Variants in KCNIP4 observed in about 807,000 individuals in gnomAD.
KCNIP4 encodes the protein potassium voltage-gated channel interacting protein 4, also known as Kv channel-interacting protein 4.
In KCNIP4, 12 loss-of-function variants were observed where a neutral mutation model predicts 34.0. The observed-to-expected ratio is 0.35, with a 90% CI of 0.23 to 0.57. The LOEUF (loss-of-function observed/expected upper bound fraction) is 0.57, where lower values mean the gene tolerates loss of function less well. Among genes scored for constraint, KCNIP4 ranks in the 20% least tolerant of loss-of-function variants. The probability of loss-of-function intolerance (pLI) is 0.83; values close to 1 mark genes in which losing one functional copy is unlikely to be tolerated. For synonymous variants in KCNIP4, 124 were observed against 102.2 expected, an observed-to-expected ratio of 1.21 and a Z score of -1.29; for missense variants, 238 against 311.7, an observed-to-expected ratio of 0.76 and a Z score of 1.78.
At chr4:21,341,733 T>C (rs1447664800) in intron 1 of KCNIP4, among the ~76,000 whole-genome samples, 1 of 152,172 alleles carries the variant, frequency 6.6e-6, no homozygotes, top group Non-Finnish European at 1.5e-5. Context: ...AATCAGTTCT[T>C]GGCCTCAAGT....
At chr4:21,006,471 G>A (rs1000738112) in intron 1 of KCNIP4, among the ~76,000 whole-genome samples, 5 of 152,156 alleles carry the variant, frequency 3.3e-5, no homozygotes, top group African/African-American at 1.2e-4. Context: ...TTGACCAACT[G>A]TAAATCAGAC....
chr4:21,107,535 G>A (rs1274482982), intron 1 of KCNIP4, among the ~76,000 whole-genome samples: 1 of 149,754 alleles, frequency 6.7e-6, no homozygotes, highest in Non-Finnish European at 1.5e-5. Flanking sequence ...CACACTGATG[G>A]GTCTTGACTC....
chr4:21,378,769 T>C (rs1721200068), intron 1 of KCNIP4, among the ~76,000 whole-genome samples: 1 of 152,174 alleles, frequency 6.6e-6, no homozygotes. Flanking sequence ...AGAAATTTAG[T>C]CTTTTATAAA....
chr4:21,697,212 C>A (rs1712413644), intron 1 of KCNIP4: 2 of 1,223,014 alleles, frequency 1.6e-6, no homozygotes, highest in Non-Finnish European at 2.1e-6. Context: ...TAAATCTCAG[C>A]AAATACAGTT....
At chr4:21,324,468 A>G (rs1714821811) in intron 1 of KCNIP4, among the ~76,000 whole-genome samples, 1 of 151,970 alleles carries the variant, frequency 6.6e-6, no homozygotes. Context: ...CTGCATATGG[A>G]TATCCAGCTT....
At chr4:21,742,396 T>A (rs988748492) in intron 1 of KCNIP4, among the ~76,000 whole-genome samples, 1 of 152,186 alleles carries the variant, frequency 6.6e-6, no homozygotes, top group African/African-American at 2.4e-5. Flanking sequence ...CCTTCCTGAT[T>A]GCGATTTAGC....
intron 1 of KCNIP4, among the ~76,000 whole-genome samples, chr4:21,735,044 T>G (rs947530520): frequency 1.3e-5 from 2 of 152,124 alleles, no homozygotes; most frequent in Admixed American, 1.3e-4. Flanking sequence ...GAATTTCTTC[T>G]GTGTTCCAAG....
intron 1 of KCNIP4, among the ~76,000 whole-genome samples, chr4:21,201,706 G>T (rs1287575421): frequency 6.6e-6 from 1 of 152,120 alleles, no homozygotes; most frequent in East Asian, 1.9e-4. Flanking sequence ...CACCATGTTA[G>T]CCAGGAAGGT....
chr4:20,823,077 T>G (rs536035156), intron 3 of KCNIP4, among the ~76,000 whole-genome samples: 7 of 152,286 alleles, frequency 4.6e-5, no homozygotes, highest in Admixed American at 4.6e-4. Flanking sequence ...TAGAACTGTA[T>G]AGTCTGTTCC....
chr4:21,836,101 C>T (rs1723302957), intron 1 of KCNIP4, among the ~76,000 whole-genome samples: 1 of 152,114 alleles, frequency 6.6e-6, no homozygotes, highest in African/African-American at 2.4e-5. Context: ...AGGGGCACAC[C>T]ACCCCTAAAT....
At chr4:21,392,626 T>C (rs1722662793) in intron 1 of KCNIP4, among the ~76,000 whole-genome samples, 1 of 152,228 alleles carries the variant, frequency 6.6e-6, no homozygotes, top group African/African-American at 2.4e-5. Flanking sequence ...GAATGTTTGA[T>C]AACTGTTTGA....
chr4:20,923,949 A>G (rs528040353), intron 1 of KCNIP4, among the ~76,000 whole-genome samples: 1 of 152,240 alleles, frequency 6.6e-6, no homozygotes, highest in African/African-American at 2.4e-5. Flanking sequence ...ATTACATGTC[A>G]TATACCCAAG....
intron 3 of KCNIP4, among the ~76,000 whole-genome samples, chr4:20,763,795 A>G (rs1224521587): frequency 6.6e-6 from 1 of 152,144 alleles, no homozygotes; most frequent in African/African-American, 2.4e-5. Flanking sequence ...TCCCTGCCAC[A>G]AGCAATCCTG....
At chr4:21,347,348 A>G (rs1349152653) in intron 1 of KCNIP4, among the ~76,000 whole-genome samples, 3 of 152,202 alleles carry the variant, frequency 2.0e-5, no homozygotes, top group African/African-American at 7.2e-5. Flanking sequence ...ACAGGGAGCT[A>G]GACCCTCATA....
intron 1 of KCNIP4, among the ~76,000 whole-genome samples, chr4:21,497,288 A>C (rs1325483149): frequency 1.3e-5 from 2 of 152,160 alleles, no homozygotes; most frequent in Non-Finnish European, 2.9e-5. Context: ...AGTGCTTGGC[A>C]CACACTCAGT....
chr4:21,168,550 A>C (rs1023490243), intron 1 of KCNIP4, among the ~76,000 whole-genome samples: 17 of 152,142 alleles, frequency 1.1e-4, no homozygotes, highest in Non-Finnish European at 1.6e-4. Flanking sequence ...AAACTATCTA[A>C]ATTTTTCTCT....
chr4:21,564,987 T>C (rs1560520442), intron 1 of KCNIP4, among the ~76,000 whole-genome samples: 1 of 152,090 alleles, frequency 6.6e-6, no homozygotes, highest in Non-Finnish European at 1.5e-5. Context: ...CTTCTAACAG[T>C]GAGGATCAAA....
intron 1 of KCNIP4, among the ~76,000 whole-genome samples, chr4:21,488,518 G>A (rs1732106401): frequency 6.6e-6 from 1 of 151,904 alleles, no homozygotes; most frequent in South Asian, 2.1e-4. Context: ...CAAAATTAAA[G>A]AATATGCATA....
chr4:21,490,630 AAACCAC>A (rs1239514609), intron 1 of KCNIP4, among the ~76,000 whole-genome samples: 2 of 152,220 alleles, frequency 1.3e-5, no homozygotes, highest in East Asian at 3.8e-4. Context: ...TCATTCTGTA[AAACCAC>A]AAAAAGCCCA....
Sources: gnomAD v4.1 joint callset for allele counts (sites outside exome capture counted in the v4.1 genomes callset) on GRCh38, gnomAD v4.1.1 for gene constraint, MANE v1.5 for transcripts, NCBI Gene and HGNC (gene_info 2026-07-23, HGNC 2026-07-21) for gene names.